Variants in LAMA2 observed in about 807,000 individuals in gnomAD.
The protein encoded by LAMA2 is laminin subunit alpha-2.
A neutral mutation model predicts 364.8 loss-of-function variants in LAMA2; 269 were observed. The ratio of observed to expected loss-of-function variants is 0.74; its 90% CI spans 0.67 to 0.82. The LOEUF (loss-of-function observed/expected upper bound fraction) is 0.82, where lower values mean the gene tolerates loss of function less well. Ranked by LOEUF, LAMA2 falls within the 40% of genes least tolerant of loss-of-function variation. The probability of loss-of-function intolerance (pLI) is 0.00; values close to 1 mark genes in which losing one functional copy is unlikely to be tolerated. For missense variants in LAMA2, 3,807 were observed against 3,873.2 expected, an observed-to-expected ratio of 0.98 and a Z score of 0.45; for synonymous variants, 1,379 against 1,370.6, an observed-to-expected ratio of 1.01 and a Z score of -0.14.
In LAMA2 at chr6:129,349,301, C is replaced by A. The variant is rs768910575; in HGVS notation, c.4440C>A (p.Phe1480Leu). ...AATCCTTTTCTTTCTGATTCAGTTT[C>A]AGCCCCTCTTGTGTCGCAGAAGGAC... is the stretch of plus-strand genomic sequence containing the variant. Reference protein sequence around the residue: ...ACPLISSSNNFSPSCVAEGLD... With the variant: ...ACPLISSSNNLSPSCVAEGLD... Residue 1480 changes from phenylalanine to leucine, a missense_variant, in exon 31 of 65, where the codon TTC becomes TTA. Physicochemically the swap from Phe to Leu is conservative, Grantham distance 22. Transcript: ENST00000421865. The A allele has an allele frequency of 1.2e-6, 2 of 1,612,900 alleles. No homozygotes were observed. The highest frequency in any genetic ancestry group is 1.7e-6 in the Non-Finnish European group (2 of 1,179,076).
intron 45 of LAMA2, among the ~76,000 whole-genome samples, chr6:129,449,116 G>A (rs996168093): frequency 2.0e-5 from 3 of 152,158 alleles, no homozygotes; most frequent in Non-Finnish European, 4.4e-5. Context: ...CTAAGTGAAT[G>A]TTTCAGTTTC....
chr6:129,194,802 A>C (rs912206154), intron 12 of LAMA2, among the ~76,000 whole-genome samples: 1 of 152,212 alleles, frequency 6.6e-6, no homozygotes, highest in Non-Finnish European at 1.5e-5. Context: ...ACCACAGTAC[A>C]TCTTAACTGT....
chr6:128,992,485 A>G (rs1400946537), intron 1 of LAMA2, among the ~76,000 whole-genome samples: 1 of 152,194 alleles, frequency 6.6e-6, no homozygotes, highest in Non-Finnish European at 1.5e-5. Context: ...TCTCACATTA[A>G]GGGAGAAATC....
chr6:129,005,498 A>G (rs1357987431), intron 1 of LAMA2, among the ~76,000 whole-genome samples: 1 of 151,960 alleles, frequency 6.6e-6, no homozygotes, highest in Non-Finnish European at 1.5e-5. Context: ...GTATTTTACC[A>G]AATTCATGGG....
chr6:128,912,193 G>C (rs1158661978), intron 1 of LAMA2, among the ~76,000 whole-genome samples: 1 of 152,038 alleles, frequency 6.6e-6, no homozygotes, highest in Admixed American at 6.6e-5. Context: ...AAAAATGTTC[G>C]TTTAATTTTA....
chr6:129,102,163 C>G (rs992603337), intron 4 of LAMA2, among the ~76,000 whole-genome samples: 1 of 138,682 alleles, frequency 7.2e-6, no homozygotes, highest in African/African-American at 2.8e-5. Flanking sequence ...GAGTCTCGCT[C>G]TGTCACCCAG....
Position 128,919,900 on chromosome 6 carries a change from G to T in LAMA2, c.112+36543G>T, listed in dbSNP as rs372122978. ...GGTGTTCCCTTTATTCTCAGAAGTGGACTGGTTTAGATGATGAATTACATG... is the reference window on the plus strand; with the variant it reads ...GGTGTTCCCTTTATTCTCAGAAGTGTACTGGTTTAGATGATGAATTACATG... On this transcript the variant is annotated intron_variant, in intron 1 of 64. Coordinates refer to ENST00000421865, the MANE Select transcript of LAMA2 (RefSeq NM_000426.4). Among the ~76,000 whole-genome samples the T allele has an allele frequency of 7.2e-5, 11 of 152,250 alleles. No individual in the cohort carries two copies. In the East Asian group the frequency reaches 1.2e-3, roughly 16 times the overall value.
At chr6:129,050,253 A>C (rs888191358) in intron 2 of LAMA2, among the ~76,000 whole-genome samples, 165 bp downstream of exon 2, 1 of 152,178 alleles carries the variant, frequency 6.6e-6, no homozygotes, top group Non-Finnish European at 1.5e-5. Flanking sequence ...TTCAGCAAAC[A>C]TTATTGGAGT....
intron 1 of LAMA2, among the ~76,000 whole-genome samples, chr6:128,998,286 T>G (rs987013246): frequency 2.0e-5 from 3 of 152,160 alleles, no homozygotes; most frequent in African/African-American, 7.2e-5. Flanking sequence ...GAAAACTGAT[T>G]AAGAAGTAGC....
In LAMA2 at chr6:129,300,643, A is replaced by G. The variant is rs1773489927; in HGVS notation, c.3038-93A>G. The G allele has an allele frequency of 3.0e-6, 4 of 1,342,982 alleles. No homozygotes were observed. In the African/African-American group the frequency reaches 4.3e-5, roughly 15 times the overall value. The allele number at this position is 1,342,982 out of a possible 1,614,324, so 83.2% of individuals were successfully genotyped here. A position where few individuals can be genotyped will look rare whatever the true frequency, so the allele number is the denominator to read the frequency against. ...CCTTAAGTGTAGAACTGAAAAGAAA[A>G]TAAGACAAACCAACACAATATAAAA... On this transcript the variant is annotated intron_variant, in intron 21 of 64. Coordinates refer to ENST00000421865, the MANE Select transcript of LAMA2 (RefSeq NM_000426.4).
At chr6:129,123,655 A>G (rs1776941486) in intron 4 of LAMA2, among the ~76,000 whole-genome samples, 1 of 152,200 alleles carries the variant, frequency 6.6e-6, no homozygotes, top group South Asian at 2.1e-4. Flanking sequence ...ATTACATGAT[A>G]TCATTTATAT....
chr6:129,378,078 G>A (rs1334297290), intron 34 of LAMA2, among the ~76,000 whole-genome samples: 1 of 152,054 alleles, frequency 6.6e-6, no homozygotes, highest in Non-Finnish European at 1.5e-5. Context: ...AAGGAACACT[G>A]TAAAGATTGC....
At chr6:129,158,651 G>C (rs572575510) in intron 8 of LAMA2, 1 of 1,614,116 alleles carries the variant, frequency 6.2e-7, no homozygotes, top group East Asian at 2.2e-5. Context: ...CCATAGAAAT[G>C]AGCAAAACCA....
intron 41 of LAMA2, among the ~76,000 whole-genome samples, chr6:129,431,869 A>G (rs541393862): frequency 2.0e-5 from 3 of 152,168 alleles, no homozygotes; most frequent in Admixed American, 1.3e-4. Flanking sequence ...TTCTGAGATC[A>G]TGGATGTAAT....
chr6:129,219,607 G>C (rs1783662678), intron 12 of LAMA2, among the ~76,000 whole-genome samples: 1 of 148,146 alleles, frequency 6.8e-6, no homozygotes, highest in Non-Finnish European at 1.5e-5. Context: ...ACTGGATTAA[G>C]AAAATGTGGC....
chr6:129,449,407 T>A (rs1782551171), intron 45 of LAMA2, among the ~76,000 whole-genome samples: 1 of 152,188 alleles, frequency 6.6e-6, no homozygotes, highest in African/African-American at 2.4e-5. Flanking sequence ...TGCCCTCACA[T>A]GGCAGAAGAG....
intron 62 of LAMA2, among the ~76,000 whole-genome samples, chr6:129,511,773 T>TTAAC (rs1786602716): frequency 2.6e-5 from 4 of 151,436 alleles, no homozygotes; most frequent in South Asian, 2.1e-4. Context: ...GAGGAAAGAA[T>TTAAC]TAACTGGATG....
Position 129,342,359 on chromosome 6 carries a change from C to T in LAMA2, c.4328C>T (p.Thr1443Ile). ...CCTTTACAGAATTGTCAACATCACACTGCTGGTGACTTCTGTGAACGATGT... is the reference window on the plus strand; with the variant it reads ...CCTTTACAGAATTGTCAACATCACATTGCTGGTGACTTCTGTGAACGATGT... ...TSICQNCQHH[T>I]AGDFCERCAL... The change falls in exon 30 of 65, where the codon ACT (threonine) becomes ATT (isoleucine). Residue 1443 changes from threonine (T) to isoleucine (I), a missense_variant. This residue lies in a region of LAMA2 where 3,333 missense variants were observed against 3,345.7 expected (regional missense o/e 1.00). Transcript: ENST00000421865. 6.2e-7 allele frequency: 1 copy of T among 1,613,126 alleles called. No homozygotes were observed. The highest frequency in any genetic ancestry group is 8.5e-7 in the Non-Finnish European group (1 of 1,179,230).
Position 129,503,262 on chromosome 6 carries a change from T to G in LAMA2, c.8529T>G (p.Asn2843Lys), listed in dbSNP as rs767388786. The change falls in exon 60 of 65, where the codon AAT (asparagine) becomes AAG (lysine). Residue 2843 changes from asparagine (N) to lysine (K), a missense_variant. Transcript: ENST00000421865. Reference protein sequence around the residue: ...DTHTMIPTKINDGQWHKIKIM... With the variant: ...DTHTMIPTKIKDGQWHKIKIM... ...ACACCATGATCCCCACCAAAATCAA[T>G]GATGGCCAGTGGCACAAGGTAATAG... The G allele has an allele frequency of 4.3e-6, 7 of 1,613,776 alleles. No individual in the cohort carries two copies. Among genetic ancestry groups the G allele is most frequent in the Non-Finnish European group, 5.9e-6 (7 of 1,179,974 alleles).
Sources: gnomAD v4.1 joint callset for allele counts (sites outside exome capture counted in the v4.1 genomes callset) on GRCh38, gnomAD v4.1.1 for gene constraint, gnomAD v4.1.1 regional missense constraint, MANE v1.5 for transcripts, NCBI Gene and HGNC (gene_info 2026-07-23, HGNC 2026-07-21) for gene names.